The following BCAS2 variants were observed in gnomAD, a reference collection of about 807,000 sequenced individuals.
The protein encoded by BCAS2 is pre-mRNA-splicing factor SPF27.
A neutral mutation model predicts 35.3 loss-of-function variants in BCAS2; 34 were observed. The ratio of observed to expected loss-of-function variants is 0.96; its 90% CI spans 0.73 to 1.28. The LOEUF is 1.28. BCAS2 is among the 50% of genes most tolerant of loss of function. BCAS2 has a pLI of 0.00. For missense variants in BCAS2, 221 were observed against 268.1 expected (o/e 0.82, Z 1.23); for synonymous variants, 75 against 91.6 (o/e 0.82, Z 1.03).
chr1:114,577,958 C>T (rs771583545), intron 2 of BCAS2, among the ~76,000 whole-genome samples: 27 of 152,214 alleles, frequency 1.8e-4, no homozygotes, highest in Non-Finnish European at 3.4e-4. Context: ...TTCGGGAGGC[C>T]GAGGTGGGTG....
At position 114,576,431 on chromosome 1, in the gene BCAS2, T is replaced by TTTA. The variant is rs147601064; in HGVS notation, c.257+254_257+256dup. The stretch of plus-strand genomic sequence containing the variant: ...GTGCGTGCCACCACACCCAGGTACG[T>TTTA]TTATTATTATTATTATTATTATTAT... On this transcript the variant is annotated intron_variant, in intron 3 of 6. Coordinates refer to ENST00000369541, the MANE Select transcript of BCAS2 (RefSeq NM_005872.3). Among the ~76,000 whole-genome samples the TTTA allele has an allele frequency of 2.8e-3, 416 of 147,036 alleles. 1 individual carries two copies. Among genetic ancestry groups the TTTA allele is most frequent in the African/African-American group, 6.6e-3 (264 of 39,762 alleles).
chr1:114,572,763 T>C (rs1654672900), intron 4 of BCAS2, among the ~76,000 whole-genome samples: 1 of 151,966 alleles, frequency 6.6e-6, no homozygotes, highest in African/African-American at 2.4e-5. Context: ...AAGGACTAGT[T>C]TGGGTTGAGT....
intron 6 of BCAS2, among the ~76,000 whole-genome samples, chr1:114,569,529 G>C (rs2101625809): frequency 6.6e-6 from 1 of 150,616 alleles, no homozygotes; most frequent in South Asian, 2.1e-4. Flanking sequence ...TTAAAGACTA[G>C]GTCTTGCTCT....
At chr1:114,576,183 A>G (rs1366522884) in intron 3 of BCAS2, among the ~76,000 whole-genome samples, 1 of 150,090 alleles carries the variant, frequency 6.7e-6, no homozygotes, top group Non-Finnish European at 1.5e-5. Context: ...GACTCCTTCT[A>G]TTCTCTCTTC....
At chr1:114,578,331 C>T (rs1182418029) in intron 2 of BCAS2, among the ~76,000 whole-genome samples, 4 of 151,852 alleles carry the variant, frequency 2.6e-5, no homozygotes, top group Admixed American at 6.6e-5. Context: ...TACCTAGTTT[C>T]CTGCAAAAAA....
intron 2 of BCAS2, among the ~76,000 whole-genome samples, chr1:114,579,409 A>C (rs2101631180): frequency 6.6e-6 from 1 of 152,376 alleles, no homozygotes; most frequent in East Asian, 1.9e-4. Context: ...AAGTATTTTA[A>C]AAAGTCTGTG....
chr1:114,578,556 A>G (rs1048431060), intron 2 of BCAS2, among the ~76,000 whole-genome samples: 2 of 152,212 alleles, frequency 1.3e-5, no homozygotes, highest in African/African-American at 4.8e-5. Context: ...TGGAGCGGCA[A>G]GGGCAATCCC....
chr1:114,572,349 A>G (rs1654664650), intron 4 of BCAS2, among the ~76,000 whole-genome samples: 1 of 152,128 alleles, frequency 6.6e-6, no homozygotes, highest in Non-Finnish European at 1.5e-5. Flanking sequence ...TCTATTCCAG[A>G]CTTCTGACCA....
At position 114,574,716 on chromosome 1, in the gene BCAS2, G is replaced by A. The variant is rs531560597; in HGVS notation, c.419+874C>T. Among the ~76,000 whole-genome samples, 219 of 152,276 alleles carry A rather than the reference G, an allele frequency of 1.4e-3. 1 individual carries two copies. The highest frequency in any genetic ancestry group is 6.8e-3 in the Middle Eastern group (2 of 294). On this transcript the variant is annotated intron_variant, in intron 4 of 6. Transcript: ENST00000369541. Reference sequence around the variant, plus strand: ...GTTACAATATTATACAATAAATGTCGTAGTTTGGTTTAGGTCCTGTTAGTA... The same window carrying A: ...GTTACAATATTATACAATAAATGTCATAGTTTGGTTTAGGTCCTGTTAGTA...
Position 114,568,118 on chromosome 1 carries a change from T to C in BCAS2, c.*12A>G. ...AAAGCCCAACTTTTCTTCTACCTGC[T>C]AAATTGTCTTTTCAGAAGTCTTGCC... On this transcript the variant is annotated 3_prime_UTR_variant, in exon 7 of 7. Coordinates refer to ENST00000369541, the MANE Select transcript of BCAS2 (RefSeq NM_005872.3). 6.2e-7 allele frequency: 1 copy of C among 1,612,072 alleles called. No individual in the cohort carries two copies.
chr1:114,573,087 G>C (rs1570737119), intron 4 of BCAS2, among the ~76,000 whole-genome samples: 1 of 112,344 alleles, frequency 8.9e-6, no homozygotes, highest in Admixed American at 1.3e-4. Context: ...TTGGGCGACA[G>C]AGCAAGATTC....
At chr1:114,575,548 GAAAAAACAA>G in intron 4 of BCAS2, 33 bp downstream of exon 4, 2 of 1,554,690 alleles carry the variant, frequency 1.3e-6, no homozygotes, top group Admixed American at 2.1e-5. Context: ...AAAGAAAAGA[GAAAAAACAA>G]AAAAAACAGA....
chr1:114,575,823 G>A (rs2101629218), intron 3 of BCAS2, 72 bp from the exon 4 acceptor site: 3 of 1,494,900 alleles, frequency 2.0e-6, no homozygotes, highest in East Asian at 4.7e-5. Context: ...TCAGTAGAAT[G>A]TCCCATGAGT....
chr1:114,570,157 T>G, intron 5 of BCAS2, 85 bp from the exon 6 acceptor site: 1 of 916,028 alleles, frequency 1.1e-6, no homozygotes, highest in Non-Finnish European at 1.7e-6. Flanking sequence ...AGAGAATATC[T>G]TAATCCCATG....
At chr1:114,579,332 T>C (rs1381402871) in intron 2 of BCAS2, among the ~76,000 whole-genome samples, 1 of 150,810 alleles carries the variant, frequency 6.6e-6, no homozygotes, top group Non-Finnish European at 1.5e-5. Flanking sequence ...AACCTGGGAG[T>C]TTACTAATTA....
chr1:114,576,245 CTCTA>C (rs1425317950), intron 3 of BCAS2, among the ~76,000 whole-genome samples: 22 of 142,470 alleles, frequency 1.5e-4, no homozygotes, highest in South Asian at 2.2e-4. Flanking sequence ...CTCTCTCTCT[CTCTA>C]TATATATATA....
chr1:114,570,367 G>C (rs1414781920), intron 5 of BCAS2, among the ~76,000 whole-genome samples: 1 of 152,028 alleles, frequency 6.6e-6, no homozygotes, highest in Non-Finnish European at 1.5e-5. Flanking sequence ...TTGAGTTTTT[G>C]CTGGGTGTCC....
chr1:114,580,139 T>C (rs1299429628), intron 2 of BCAS2, among the ~76,000 whole-genome samples: 2 of 152,094 alleles, frequency 1.3e-5, no homozygotes, highest in Non-Finnish European at 2.9e-5. Context: ...GGTCTCACTA[T>C]GTTGCCCAGG....
At chr1:114,578,704 C>T (rs1654824596) in intron 2 of BCAS2, among the ~76,000 whole-genome samples, 1 of 152,160 alleles carries the variant, frequency 6.6e-6, no homozygotes, top group Admixed American at 6.6e-5. Flanking sequence ...TTGTCTGTCT[C>T]AACACTCTAG....
Sources: gnomAD v4.1 joint callset for allele counts (sites outside exome capture counted in the v4.1 genomes callset) on GRCh38, gnomAD v4.1.1 for gene constraint, MANE v1.5 for transcripts, NCBI Gene and HGNC (gene_info 2026-07-23, HGNC 2026-07-21) for gene names.